The following CACNA2D3 variants were observed in gnomAD, a reference collection of about 807,000 sequenced individuals.
CACNA2D3 encodes voltage-dependent calcium channel subunit alpha-2/delta-3.
CACNA2D3 carries 60 observed loss-of-function variants against 160.6 expected under a neutral mutation model. The ratio of observed to expected loss-of-function variants is 0.37; its 90% CI spans 0.30 to 0.46. The LOEUF (loss-of-function observed/expected upper bound fraction) is 0.46. Ranked by LOEUF, CACNA2D3 falls within the 20% of genes least tolerant of loss-of-function variation. CACNA2D3 has a pLI of 1.00. For synonymous variants in CACNA2D3, 558 were observed against 492.9 expected (o/e 1.13, Z -1.75); for missense variants, 1,205 against 1,365.0 (o/e 0.88, Z 1.85).
intron 4 of CACNA2D3, among the ~76,000 whole-genome samples, chr3:54,455,925 T>C (rs935293277): frequency 6.6e-6 from 1 of 152,134 alleles, no homozygotes; most frequent in African/African-American, 2.4e-5. Flanking sequence ...TTCTGTTCCA[T>C]TGGTCTATGT....
chr3:54,861,796 C>A (rs908798449), intron 17 of CACNA2D3, among the ~76,000 whole-genome samples: 1 of 152,242 alleles, frequency 6.6e-6, no homozygotes, highest in Non-Finnish European at 1.5e-5. Context: ...ACGCCACTTT[C>A]TCTGATTATA....
intron 2 of CACNA2D3, among the ~76,000 whole-genome samples, chr3:54,289,137 T>G (rs976933579): frequency 5.3e-5 from 8 of 152,222 alleles, no homozygotes; most frequent in Non-Finnish European, 8.8e-5. Flanking sequence ...GCAGACGACA[T>G]GATTGTATAT....
At chr3:54,538,289 C>A (rs988736047) in intron 5 of CACNA2D3, among the ~76,000 whole-genome samples, 1 of 152,168 alleles carries the variant, frequency 6.6e-6, no homozygotes, top group Non-Finnish European at 1.5e-5. Flanking sequence ...TACTATCAGC[C>A]AATGAATCCC....
chr3:55,040,627 A>G (rs959392835), intron 35 of CACNA2D3, among the ~76,000 whole-genome samples: 4 of 152,214 alleles, frequency 2.6e-5, no homozygotes, highest in South Asian at 2.1e-4. Flanking sequence ...TGAGGCTGCA[A>G]TGATCTATGA....
At chr3:54,723,626 G>C (rs1226598863) in intron 11 of CACNA2D3, among the ~76,000 whole-genome samples, 1 of 152,310 alleles carries the variant, frequency 6.6e-6, no homozygotes, top group South Asian at 2.1e-4. Context: ...GGTTTCACTT[G>C]GGTTGGGGAG....
intron 27 of CACNA2D3, among the ~76,000 whole-genome samples, chr3:54,940,791 C>CT (rs148259613): frequency 0.023 from 3,449 of 152,078 alleles, 131 homozygotes; most frequent in African/African-American, 0.076. Context: ...GGGAAGGGGG[C>CT]TTTTTGGTGG....
intron 11 of CACNA2D3, among the ~76,000 whole-genome samples, chr3:54,645,927 G>C (rs1699625586): frequency 6.6e-6 from 1 of 151,700 alleles, no homozygotes; most frequent in South Asian, 2.1e-4. Flanking sequence ...GAGGGCCTAG[G>C]GTACCTGCCT....
At chr3:54,986,571 C>T (rs2107106279) in intron 30 of CACNA2D3, among the ~76,000 whole-genome samples, 1 of 152,288 alleles carries the variant, frequency 6.6e-6, no homozygotes, top group East Asian at 1.9e-4. Context: ...CCTTTTCTCC[C>T]CCTTTACATT....
intron 11 of CACNA2D3, among the ~76,000 whole-genome samples, chr3:54,681,480 C>G (rs1700349486): frequency 6.8e-6 from 1 of 146,800 alleles, no homozygotes; most frequent in Admixed American, 6.8e-5. Context: ...CGCTCAAACC[C>G]AGGAGGCGGA....
At chr3:54,437,764 G>A (rs1700082210) in intron 4 of CACNA2D3, among the ~76,000 whole-genome samples, 1 of 152,200 alleles carries the variant, frequency 6.6e-6, no homozygotes, top group African/African-American at 2.4e-5. Flanking sequence ...CAGCATGGAT[G>A]AACATGAACT....
At chr3:54,910,627 C>G (rs2106908257) in intron 27 of CACNA2D3, among the ~76,000 whole-genome samples, 1 of 152,268 alleles carries the variant, frequency 6.6e-6, no homozygotes, top group East Asian at 1.9e-4. Flanking sequence ...GGGTTCTCCA[C>G]CTGTGCTCCT....
At chr3:54,714,518 A>G (rs1026134840) in intron 11 of CACNA2D3, among the ~76,000 whole-genome samples, 1 of 152,168 alleles carries the variant, frequency 6.6e-6, no homozygotes, top group Non-Finnish European at 1.5e-5. Context: ...CAGATTCCCA[A>G]TGGTGAGAGC....
intron 2 of CACNA2D3, among the ~76,000 whole-genome samples, chr3:54,172,673 ACTG>A (rs1320936865): frequency 6.6e-6 from 1 of 152,224 alleles, no homozygotes; most frequent in Non-Finnish European, 1.5e-5. Flanking sequence ...ACTTAACAAA[ACTG>A]CCCATTTCAT....
chr3:54,868,402 C>G (rs552853560), intron 17 of CACNA2D3, among the ~76,000 whole-genome samples: 13 of 152,124 alleles, frequency 8.5e-5, no homozygotes, highest in Non-Finnish European at 1.9e-4. Context: ...TAGAGACTTG[C>G]TGGAATATGG....
chr3:54,861,668 C>A (rs1699294249), intron 17 of CACNA2D3, among the ~76,000 whole-genome samples: 1 of 152,244 alleles, frequency 6.6e-6, no homozygotes, highest in Non-Finnish European at 1.5e-5. Flanking sequence ...GCAGAGCTAT[C>A]ACAGTGGCTG....
At chr3:54,850,878 A>G (rs1699043720) in intron 17 of CACNA2D3, among the ~76,000 whole-genome samples, 1 of 152,194 alleles carries the variant, frequency 6.6e-6, no homozygotes, top group Non-Finnish European at 1.5e-5. Context: ...CATGGGTCAC[A>G]TATGTGGGAG....
chr3:54,952,064 T>C (rs1302552521), intron 27 of CACNA2D3, among the ~76,000 whole-genome samples: 1 of 152,166 alleles, frequency 6.6e-6, no homozygotes, highest in Non-Finnish European at 1.5e-5. Flanking sequence ...GGCCAGCTGC[T>C]CACAAACTCG....
intron 4 of CACNA2D3, among the ~76,000 whole-genome samples, chr3:54,412,997 A>G (rs188440401): frequency 6.6e-6 from 1 of 151,946 alleles, no homozygotes; most frequent in Non-Finnish European, 1.5e-5. Context: ...ATTCCTTCAT[A>G]TAGAGTTGAG....
chr3:54,557,641 T>C (rs1702260827), intron 5 of CACNA2D3, among the ~76,000 whole-genome samples: 1 of 152,198 alleles, frequency 6.6e-6, no homozygotes, highest in Admixed American at 6.5e-5. Context: ...GCAAGCACCA[T>C]GGATTTTTCA....
Sources: allele counts gnomAD v4.1 joint callset (sites outside exome capture counted in the v4.1 genomes callset), GRCh38; gene constraint gnomAD v4.1.1; transcripts MANE v1.5; gene names NCBI Gene and HGNC (gene_info 2026-07-23, HGNC 2026-07-21).